Variants in MGST3 observed in about 807,000 individuals in gnomAD.
MGST3 encodes glutathione S-transferase 3, mitochondrial.
MGST3 carries 13 observed loss-of-function variants against 15.8 expected under a neutral mutation model. That is an observed-to-expected ratio of 0.82 (90% CI 0.54 to 1.31). The LOEUF is 1.31. Ranked by LOEUF, MGST3 falls within the 50% of genes most tolerant of loss-of-function variation. The pLI is 0.00. For synonymous variants in MGST3, 49 were observed against 68.1 expected (o/e 0.72, Z 1.38); for missense variants, 155 against 192.4 (o/e 0.81, Z 1.15).
chr1:165,648,736 CCCAAAT>C (rs1381308549), intron 1 of MGST3: 2 of 152,024 alleles, frequency 1.3e-5, no homozygotes, highest in Non-Finnish European at 2.9e-5. Flanking sequence ...GCATGCCTAT[CCCAAAT>C]TCTGTTTTAA....
chr1:165,649,178 C>T (rs930871651), intron 1 of MGST3: 1 of 154,178 alleles, frequency 6.5e-6, no homozygotes, highest in African/African-American at 2.4e-5. Flanking sequence ...CTGGGCCTTC[C>T]CCTACCTGTG....
Position 165,650,029 on chromosome 1 carries a change from C to T in MGST3, c.117+65C>T, listed in dbSNP as rs1648510325. 5.0e-6 allele frequency: 8 copies of T among 1,608,078 alleles called. No individual in the cohort carries two copies. The East Asian group carries it at 1.6e-4, about 31-fold the overall frequency. ...TGGGGGCCACAGGCTTAGCCAAGAACTTATTTTCAGCCATGGAGGGAGAGG... is the reference window on the plus strand; with the variant it reads ...TGGGGGCCACAGGCTTAGCCAAGAATTTATTTTCAGCCATGGAGGGAGAGG... On this transcript the variant is annotated intron_variant, in intron 2 of 5. Transcript: ENST00000367889.
chr1:165,641,772 A>C (rs1648272127), intron 1 of MGST3, among the ~76,000 whole-genome samples: 1 of 152,356 alleles, frequency 6.6e-6, no homozygotes, highest in South Asian at 2.1e-4. Context: ...AATTCCTGCT[A>C]TCTCTAGTCT....
chr1:165,642,015 AAAGT>A (rs1442052264), intron 1 of MGST3, among the ~76,000 whole-genome samples: 1 of 152,230 alleles, frequency 6.6e-6, no homozygotes, highest in Admixed American at 6.5e-5. Context: ...GCTAATAAGG[AAAGT>A]AAGAATAGAA....
chr1:165,654,427 A>T, intron 5 of MGST3, 76 bp downstream of exon 5: 1 of 1,369,198 alleles, frequency 7.3e-7, no homozygotes, highest in Non-Finnish European at 1.0e-6. Context: ...ACAGTGGCTT[A>T]CACCTGTAAT....
intron 1 of MGST3, among the ~76,000 whole-genome samples, chr1:165,638,977 C>A (rs1232760743): frequency 6.6e-6 from 1 of 151,732 alleles, no homozygotes; most frequent in African/African-American, 2.4e-5. Flanking sequence ...ATTGCATTGC[C>A]CCTAACCAGG....
chr1:165,653,576 C>G (rs927702400), intron 4 of MGST3: 1 of 152,718 alleles, frequency 6.5e-6, no homozygotes, highest in Non-Finnish European at 1.5e-5. Context: ...CTGGGGAAGG[C>G]GGCCTTCTCA....
At position 165,651,946 on chromosome 1, in the gene MGST3, A is replaced by G. The variant is rs571173699; in HGVS notation, c.192-32A>G. 2.0e-6 allele frequency: 3 copies of G among 1,492,052 alleles called. No homozygotes were observed. In the South Asian group the frequency reaches 3.4e-5, roughly 17 times the overall value. The allele number at this position is 1,492,052 out of a possible 1,614,324, so 92.4% of individuals were successfully genotyped here. A position where few individuals can be genotyped will look rare whatever the true frequency, so the allele number is the denominator to read the frequency against. On this transcript the variant is annotated intron_variant, in intron 3 of 5. Coordinates refer to ENST00000367889, the MANE Select transcript of MGST3 (RefSeq NM_004528.4). ...CTACACAGGCATACTTAAAAAGGGC[A>G]CTTTTTAAAAGTTTCTTTCTGTCAA...
intron 4 of MGST3, chr1:165,653,974 T>C: frequency 2.4e-6 from 1 of 408,354 alleles, no homozygotes; most frequent in Non-Finnish European, 4.6e-6. Flanking sequence ...GTCCTTCTCT[T>C]GAGCTCTGAC....
intron 1 of MGST3, among the ~76,000 whole-genome samples, chr1:165,634,170 G>A (rs1182575719): frequency 6.6e-6 from 1 of 152,102 alleles, no homozygotes; most frequent in Non-Finnish European, 1.5e-5. Context: ...TGTTTCAAAA[G>A]ATGTCAGGTG....
chr1:165,650,242 T>G, intron 2 of MGST3: 3 of 463,204 alleles, frequency 6.5e-6, no homozygotes, highest in Non-Finnish European at 4.0e-6. Flanking sequence ...TTGGAGCTAT[T>G]TGCTAGGAAG....
intron 3 of MGST3, chr1:165,651,331 C>T (rs536634176): frequency 9.0e-6 from 5 of 553,596 alleles, no homozygotes; most frequent in South Asian, 7.9e-5. Flanking sequence ...GTTGCATTAC[C>T]TACTACAGTT....
chr1:165,633,293 C>T (rs1196976245), intron 1 of MGST3, among the ~76,000 whole-genome samples: 1 of 152,234 alleles, frequency 6.6e-6, no homozygotes, highest in Non-Finnish European at 1.5e-5. Flanking sequence ...GAAAATTGTA[C>T]TATCTTTCAA....
Position 165,632,274 on chromosome 1 carries a change from G to A in MGST3, c.-8+981G>A, listed in dbSNP as rs567409797. The A allele has an allele frequency of 4.4e-5, 71 of 1,612,656 alleles. No individual in the cohort carries two copies. In the East Asian group the frequency reaches 1.5e-3, roughly 34 times the overall value. On this transcript the variant is annotated intron_variant, in intron 1 of 5. Transcript: ENST00000367889. ...AGGGGAAGGCGCTTCCGGCTCTGCA[G>A]GTATGTGCTGTTGGGCCTAGGTGTG...
chr1:165,640,633 C>T (rs1294502891), intron 1 of MGST3, among the ~76,000 whole-genome samples: 1 of 152,166 alleles, frequency 6.6e-6, no homozygotes, highest in Non-Finnish European at 1.5e-5. Context: ...TTTTAACAAA[C>T]TCTCCAGGTG....
intron 1 of MGST3, 130 bp from the exon 2 acceptor site, chr1:165,649,711 A>G: frequency 2.8e-6 from 3 of 1,079,310 alleles, no homozygotes; most frequent in Non-Finnish European, 4.2e-6. Flanking sequence ...GAAACATCAG[A>G]TTGATTCATA....
At position 165,654,154 on chromosome 1, in the gene MGST3, G is replaced by A. The variant is rs545785417; in HGVS notation, c.250-125G>A. 229 of 840,654 alleles carry A rather than the reference G, an allele frequency of 2.7e-4. 6 individuals carry two copies. Among genetic ancestry groups the A allele is most frequent in the South Asian group, 2.5e-3 (183 of 73,662 alleles). The allele number at this position is 840,654 out of a possible 1,614,324, so 52.1% of individuals were successfully genotyped here. ...ACTTAATTCTACCTAATTTGCGTGG[G>A]GAGTAGTTGGCCAAATCATCAAATT... On this transcript the variant is annotated intron_variant, in intron 4 of 5. Coordinates refer to ENST00000367889, the MANE Select transcript of MGST3 (RefSeq NM_004528.4).
intron 1 of MGST3, among the ~76,000 whole-genome samples, chr1:165,634,768 T>TCC (rs1557990187): frequency 2.8e-4 from 27 of 96,716 alleles, no homozygotes; most frequent in Non-Finnish European, 2.3e-4. Flanking sequence ...TCCCTCCCTC[T>TCC]CTCTCCCTCC....
chr1:165,653,324 G>A (rs1648615942), intron 4 of MGST3, among the ~76,000 whole-genome samples: 1 of 152,128 alleles, frequency 6.6e-6, no homozygotes, highest in Non-Finnish European at 1.5e-5. Context: ...AAAAATAAGA[G>A]CTAGTTTGGG....
Sources: gnomAD v4.1 joint callset for allele counts (sites outside exome capture counted in the v4.1 genomes callset) on GRCh38, gnomAD v4.1.1 for gene constraint, MANE v1.5 for transcripts, NCBI Gene and HGNC (gene_info 2026-07-23, HGNC 2026-07-21) for gene names.